CLDN11: variants seen among roughly 807,000 people sequenced by gnomAD.
The protein encoded by CLDN11 is claudin-11.
Under a neutral mutation model 18.0 loss-of-function variants are expected in CLDN11, and 1 was observed. That is an observed-to-expected ratio of 0.06 (90% CI 0.02 to 0.26). The LOEUF is 0.26. Among genes scored for constraint, CLDN11 ranks in the 10% least tolerant of loss-of-function variants. The pLI, the probability that CLDN11 is intolerant of heterozygous loss-of-function variation, is 1.00. For synonymous variants in CLDN11, 116 were observed against 121.5 expected (o/e 0.96, Z 0.30); for missense variants, 172 against 276.6 (o/e 0.62, Z 2.68).
Position 170,419,031 on chromosome 3 carries a change from T to G in CLDN11, c.-36T>G. On this transcript the variant is annotated 5_prime_UTR_variant, in exon 1 of 3. Transcript: ENST00000064724. This position sits in a 1 kb window ranked among gnomAD's most constrained non-coding sequence, Gnocchi z 8.6. ...TCCAGCCCAGGCCCAGGCACAGCCG[T>G]GAGGGGCGAGGCACGGGGACATCCT... is the stretch of plus-strand genomic sequence containing the variant. 2.7e-6 allele frequency: 4 copies of G among 1,466,602 alleles called. No homozygotes were observed. The highest frequency in any genetic ancestry group is 3.7e-6 in the Non-Finnish European group (4 of 1,072,252). 90.8% of individuals were successfully genotyped at this position (1,466,602 alleles called of 1,614,324 possible). A position where few individuals can be genotyped will look rare whatever the true frequency, so the allele number is the denominator to read the frequency against.
At chr3:170,431,786 G>C (rs541067151) in intron 2 of CLDN11, among the ~76,000 whole-genome samples, 9 of 152,320 alleles carry the variant, frequency 5.9e-5, no homozygotes, top group African/African-American at 2.2e-4. Context: ...TTTGACCCTT[G>C]AATGGGTGAG....
Position 170,419,660 on chromosome 3 carries a change from C to T in CLDN11, c.226+368C>T, listed in dbSNP as rs1738672702. On this transcript the variant is annotated intron_variant, in intron 1 of 2. Coordinates refer to ENST00000064724, the MANE Select transcript of CLDN11 (RefSeq NM_005602.6). This position sits in a 1 kb window ranked among gnomAD's most constrained non-coding sequence, Gnocchi z 8.6. ...AGTGCTTCCCGCTCCCGCCCGGCCTCCCCCGGGGCGCCGAGCCTTCGCGTT... is the reference window on the plus strand; with the variant it reads ...AGTGCTTCCCGCTCCCGCCCGGCCTTCCCCGGGGCGCCGAGCCTTCGCGTT... 6.6e-6 allele frequency among the ~76,000 whole-genome samples: 1 copy of T among 152,228 alleles called. No homozygotes were observed. Among genetic ancestry groups the T allele is most frequent in the African/African-American group, 2.4e-5 (1 of 41,462 alleles).
intron 1 of CLDN11, among the ~76,000 whole-genome samples, chr3:170,420,749 CA>C (rs918403975): frequency 3.0e-4 from 45 of 152,266 alleles, no homozygotes; most frequent in Middle Eastern, 3.4e-3. Flanking sequence ...TCAACGAACG[CA>C]GATCTAGACT....
rs1214025239 is a variant in CLDN11, at chr3:170,423,180, C to G, written c.244C>G (p.Arg82Gly). ...GTTCCCAGGCTACGTGCAGGCCTGC[C>G]GCGCCCTGATGATTGCTGCCTCGGT... Reference protein sequence around the residue: ...LILPGYVQACRALMIAASVLG... With the variant: ...LILPGYVQACGALMIAASVLG... Residue 82 changes from arginine to glycine, a missense_variant, in exon 2 of 3, where the codon CGC becomes GGC. Transcript: ENST00000064724. 1 of 1,614,170 alleles carries G rather than the reference C, an allele frequency of 6.2e-7. No individual in the cohort carries two copies. The highest frequency in any genetic ancestry group is 1.1e-5 in the South Asian group (1 of 91,080).
Position 170,434,003 on chromosome 3 carries a change from A to G in CLDN11, c.*1247A>G, listed in dbSNP as rs1175885763. The G allele has an allele frequency of 6.6e-6, 1 of 152,630 alleles. No homozygotes were observed. The highest frequency in any genetic ancestry group is 1.5e-5 in the Non-Finnish European group (1 of 68,038). The allele number at this position is 152,630 out of a possible 1,614,324, so 9.5% of individuals were successfully genotyped here. ...CTTTACGGGTGTAAACACTGATGGT[A>G]TATCAGTATCTGAGACCCCAAACTC... On this transcript the variant is annotated 3_prime_UTR_variant, in exon 3 of 3. Transcript: ENST00000064724.
intron 2 of CLDN11, 149 bp downstream of exon 2, chr3:170,423,476 T>G (rs1738770389): frequency 1.3e-6 from 1 of 750,680 alleles, no homozygotes; most frequent in Non-Finnish European, 2.2e-6. Context: ...CTGTATCCCT[T>G]TGTATTTTAT....
chr3:170,428,924 C>T (rs1447694986), intron 2 of CLDN11, among the ~76,000 whole-genome samples: 1 of 152,110 alleles, frequency 6.6e-6, no homozygotes, highest in Non-Finnish European at 1.5e-5. Flanking sequence ...TTTATTTTTC[C>T]CAAATAACAG....
rs551587194 is a variant in CLDN11, at chr3:170,419,591, T to C, written c.226+299T>C. 2.0e-5 allele frequency among the ~76,000 whole-genome samples: 3 copies of C among 152,350 alleles called. No homozygotes were observed. The highest frequency in any genetic ancestry group is 7.2e-5 in the African/African-American group (3 of 41,590). The stretch of plus-strand genomic sequence containing the variant: ...CTAATAGGAACTGAGTCCGTGTTAA[T>C]TACTGCGGTCCCAGCCCGCATCCTT... On this transcript the variant is annotated intron_variant, in intron 1 of 2. Transcript: ENST00000064724. This position sits in a 1 kb window ranked among gnomAD's most constrained non-coding sequence, Gnocchi z 8.6.
intron 2 of CLDN11, among the ~76,000 whole-genome samples, chr3:170,425,208 C>A (rs1409851081): frequency 6.6e-6 from 1 of 152,176 alleles, no homozygotes; most frequent in African/African-American, 2.4e-5. Context: ...TGAAACCCTT[C>A]TCCTAGACAC....
rs1208023582 is a variant in CLDN11, at chr3:170,434,652, C to A, written c.*1896C>A. ...ACACATTGCAATCTATTTTGGCAGACTTCTTTCAAATAAAATACTAATTTC... is the reference window on the plus strand; with the variant it reads ...ACACATTGCAATCTATTTTGGCAGAATTCTTTCAAATAAAATACTAATTTC... On this transcript the variant is annotated 3_prime_UTR_variant, in exon 3 of 3. Transcript: ENST00000064724. Among the ~76,000 whole-genome samples the A allele has an allele frequency of 6.6e-6, 1 of 152,180 alleles. No homozygotes were observed. The highest frequency in any genetic ancestry group is 1.9e-4 in the East Asian group (1 of 5,204).
At chr3:170,423,530 T>C in intron 2 of CLDN11, 2 of 565,674 alleles carry the variant, frequency 3.5e-6, no homozygotes, top group Non-Finnish European at 3.1e-6. Context: ...TGGGAGTCAC[T>C]GACCATGAAG....
intron 2 of CLDN11, among the ~76,000 whole-genome samples, chr3:170,429,091 T>G (rs1738937321): frequency 6.6e-6 from 1 of 152,254 alleles, no homozygotes; most frequent in Non-Finnish European, 1.5e-5. Context: ...TTTTTAACTT[T>G]ACTGGTCAAA....
In CLDN11 at chr3:170,418,995, G is replaced by T. The variant is rs1738654037; in HGVS notation, c.-72G>T. 2 of 1,154,266 alleles carry T rather than the reference G, an allele frequency of 1.7e-6. No homozygotes were observed. Among genetic ancestry groups the T allele is most frequent in the Admixed American group, 4.1e-5 (2 of 49,066 alleles). The allele number at this position is 1,154,266 out of a possible 1,614,324, so 71.5% of individuals were successfully genotyped here. A position where few individuals can be genotyped will look rare whatever the true frequency, so the allele number is the denominator to read the frequency against. On this transcript the variant is annotated 5_prime_UTR_variant, in exon 1 of 3. Transcript: ENST00000064724. This position sits in a 1 kb window ranked among gnomAD's most constrained non-coding sequence, Gnocchi z 4.3. ...CTCGCGAGCGTGGGAGACGTACCTG[G>T]GCAGGCACTGTCCAGCCCAGGCCCA...
chr3:170,428,253 ACCTCC>A (rs1738912553), intron 2 of CLDN11, among the ~76,000 whole-genome samples: 1 of 151,024 alleles, frequency 6.6e-6, no homozygotes, highest in Admixed American at 6.6e-5. Flanking sequence ...CTCAGTTGTT[ACCTCC>A]AACGTCAAAC....
intron 2 of CLDN11, among the ~76,000 whole-genome samples, chr3:170,425,355 T>C (rs1366679751): frequency 6.6e-6 from 1 of 152,122 alleles, no homozygotes; most frequent in African/African-American, 2.4e-5. Context: ...CATATGAATG[T>C]CACAGGTATC....
intron 2 of CLDN11, among the ~76,000 whole-genome samples, chr3:170,426,997 G>T (rs779055015): frequency 6.6e-6 from 1 of 152,228 alleles, no homozygotes; most frequent in Non-Finnish European, 1.5e-5. Context: ...GGGCAGGCTG[G>T]TCTCGAACTC....
chr3:170,423,441 C>T (rs1471475992), intron 2 of CLDN11, 114 bp downstream of exon 2: 5 of 1,159,816 alleles, frequency 4.3e-6, no homozygotes, highest in African/African-American at 3.1e-5. Context: ...CCAAGTGAAG[C>T]CAGTGGGGGA....
rs1391227015 is a variant in CLDN11 at position 170,419,231 on chromosome 3, C to T, written c.165C>T (p.Asp55=). The change falls in exon 1 of 3, where the codon GAC becomes GAT. Residue 55 remains aspartate, a synonymous_variant. Transcript: ENST00000064724. This position sits in a 1 kb window ranked among gnomAD's most constrained non-coding sequence, Gnocchi z 8.6. ...TGGGCTCCAAGGGGCTGTGGGCCGA[C>T]TGCGTCATGGCCACGGGGCTGTACC... ...DELGSKGLWA[D]CVMATGLYHC... The T allele has an allele frequency of 6.3e-7, 1 of 1,575,938 alleles. No homozygotes were observed.
Position 170,432,863 on chromosome 3 carries a change from C to T in CLDN11, c.*107C>T. The T allele has an allele frequency of 9.4e-7, 1 of 1,065,250 alleles. No homozygotes were observed. The highest frequency in any genetic ancestry group is 2.1e-5 in the Admixed American group (1 of 48,584). The allele number at this position is 1,065,250 out of a possible 1,614,324, so 66.0% of individuals were successfully genotyped here. ...CCATTCCTCTGCCAGGCTCTAAAGC[C>T]AAAGGTCTAGAAAAGCATCCTGTCT... On this transcript the variant is annotated 3_prime_UTR_variant, in exon 3 of 3. Coordinates refer to ENST00000064724, the MANE Select transcript of CLDN11 (RefSeq NM_005602.6).
Sources: allele counts gnomAD v4.1 joint callset (sites outside exome capture counted in the v4.1 genomes callset), GRCh38; gene constraint gnomAD v4.1.1; non-coding constraint Gnocchi (gnomAD v3.1); transcripts MANE v1.5; gene names NCBI Gene and HGNC (gene_info 2026-07-23, HGNC 2026-07-21).